The following NAV2 variants were observed in gnomAD, a reference collection of about 807,000 sequenced individuals.
The protein encoded by NAV2 is neuron navigator 2, also known as helicase, APC down-regulated 1.
A neutral mutation model predicts 223.2 loss-of-function variants in NAV2; 54 were observed. The ratio of observed to expected loss-of-function variants is 0.24; its 90% CI spans 0.19 to 0.30. The LOEUF is 0.30. NAV2 is among the 10% of genes least tolerant of loss of function. The pLI is 1.00. For missense variants in NAV2, 2,806 were observed against 3,147.5 expected (o/e 0.89, Z 2.60); for synonymous variants, 1,279 against 1,239.3 (o/e 1.03, Z -0.67).
intron 11 of NAV2, among the ~76,000 whole-genome samples, chr11:19,997,720 TTA>T (rs1295794167): frequency 3.3e-5 from 5 of 152,090 alleles, no homozygotes; most frequent in Non-Finnish European, 7.4e-5. Context: ...AAAGCCAGTG[TTA>T]TATCAGAGAC....
chr11:19,732,820 G>A (rs1328067256), intron 1 of NAV2, among the ~76,000 whole-genome samples: 1 of 152,220 alleles, frequency 6.6e-6, no homozygotes, highest in African/African-American at 2.4e-5. Flanking sequence ...TGCAGGGTCA[G>A]GGAGAAAGAG....
intron 1 of NAV2, among the ~76,000 whole-genome samples, chr11:19,776,608 G>GTGTGTGTGTGTGT (rs139486266): frequency 3.8e-5 from 4 of 106,100 alleles, no homozygotes; most frequent in African/African-American, 1.3e-4. Flanking sequence ...GTGTGTGTGT[G>GTGTGTGTGTGTGT]GTTAGAGTTG....
At chr11:19,937,137 AAAAC>A (rs976780868) in intron 7 of NAV2, among the ~76,000 whole-genome samples, 18 of 152,156 alleles carry the variant, frequency 1.2e-4, no homozygotes, top group African/African-American at 1.7e-4. Context: ...GACTGTCTCA[AAAAC>A]AAACAAACCA....
At chr11:19,778,480 T>C (rs2056465409) in intron 1 of NAV2, 1 of 302,820 alleles carries the variant, frequency 3.3e-6, no homozygotes, top group Non-Finnish European at 6.6e-6. Flanking sequence ...GTGTGAGGTC[T>C]TTAAAGATGC....
intron 11 of NAV2, among the ~76,000 whole-genome samples, chr11:19,997,932 A>G (rs917640565): frequency 1.3e-5 from 2 of 151,948 alleles, no homozygotes; most frequent in Non-Finnish European, 2.9e-5. Flanking sequence ...GGGGGCTCTC[A>G]TCTATCCGGG....
At chr11:19,398,951 AT>A (rs781520926) in intron 1 of NAV2, among the ~76,000 whole-genome samples, 1 of 152,036 alleles carries the variant, frequency 6.6e-6, no homozygotes, top group African/African-American at 2.4e-5. Flanking sequence ...GAGCACATTG[AT>A]TTTTCCCAGG....
At chr11:19,946,283 C>T in intron 8 of NAV2, 118 bp from the exon 9 acceptor site, 1 of 800,602 alleles carries the variant, frequency 1.2e-6, no homozygotes. Context: ...TATTAAGCAC[C>T]CACAGCAAGG....
intron 11 of NAV2, among the ~76,000 whole-genome samples, chr11:19,986,042 TC>T (rs1351467280): frequency 6.6e-6 from 1 of 152,230 alleles, no homozygotes; most frequent in African/African-American, 2.4e-5. Context: ...GTTTAGTAAA[TC>T]TATCCACATA....
Position 19,879,922 on chromosome 11 carries a change from C to T in NAV2, c.565C>T (p.Arg189Ter), listed in dbSNP as rs1258904719. ...AILGLFFSLS[R>*]YKQQQQQPQK... is the part of the protein sequence containing the mutation. ...TCTAGGCCTCTTCTTCAGCCTCTCCCGATACAAGCAGCAGCAGCAGCAGCC... is the reference window on the plus strand; with the variant it reads ...TCTAGGCCTCTTCTTCAGCCTCTCCTGATACAAGCAGCAGCAGCAGCAGCC... The change falls in exon 5 of 38, where the codon CGA becomes TGA. Residue 189 changes from arginine to a stop codon, truncating the protein, a stop_gained. Coordinates refer to ENST00000349880, the MANE Select transcript of NAV2 (RefSeq NM_145117.5). LOFTEE classifies it high-confidence loss of function. 6.2e-7 allele frequency: 1 copy of T among 1,613,742 alleles called. No individual in the cohort carries two copies. The highest frequency in any genetic ancestry group is 8.5e-7 in the Non-Finnish European group (1 of 1,180,026).
intron 1 of NAV2, among the ~76,000 whole-genome samples, chr11:19,622,985 G>C (rs940710197): frequency 6.6e-6 from 1 of 152,108 alleles, no homozygotes; most frequent in Non-Finnish European, 1.5e-5. Flanking sequence ...CTCAGCATTT[G>C]CTTGTCTGTA....
intron 1 of NAV2, among the ~76,000 whole-genome samples, chr11:19,388,728 A>G (rs908200037): frequency 1.3e-5 from 2 of 152,210 alleles, no homozygotes; most frequent in Admixed American, 1.3e-4. Flanking sequence ...GTGAAATCTT[A>G]TTCTGTTGTA....
chr11:19,500,440 G>A (rs938739836), intron 1 of NAV2, among the ~76,000 whole-genome samples: 4 of 152,200 alleles, frequency 2.6e-5, no homozygotes, highest in Non-Finnish European at 5.9e-5. Context: ...ATAAAAAGCT[G>A]ATACACCCAT....
intron 35 of NAV2, among the ~76,000 whole-genome samples, chr11:20,106,183 GTATATATATATATATATATATA>G (rs1182631250): frequency 0.041 from 1,049 of 25,550 alleles, 120 homozygotes; most frequent in African/African-American, 0.1. Flanking sequence ...ATATGTGTGT[GTATATATATATATATATATATA>G]TATATATATA....
chr11:19,601,097 T>C (rs751516351), intron 1 of NAV2, among the ~76,000 whole-genome samples: 17 of 152,236 alleles, frequency 1.1e-4, no homozygotes, highest in Non-Finnish European at 8.8e-5. Context: ...TCTGTACACC[T>C]GGCACTGGGC....
intron 22 of NAV2, among the ~76,000 whole-genome samples, chr11:20,071,716 G>A (rs1816661789): frequency 6.6e-6 from 1 of 152,002 alleles, no homozygotes; most frequent in Admixed American, 6.6e-5. Flanking sequence ...TATGTTTGTT[G>A]GCTGCATAAA....
chr11:19,613,152 G>A (rs547263238), intron 1 of NAV2, among the ~76,000 whole-genome samples: 12 of 152,064 alleles, frequency 7.9e-5, no homozygotes, highest in South Asian at 4.2e-4. Flanking sequence ...CAATTACCCC[G>A]CCCCCGCCGT....
At chr11:19,701,026 T>C (rs2152283754) in intron 1 of NAV2, among the ~76,000 whole-genome samples, 1 of 152,308 alleles carries the variant, frequency 6.6e-6, no homozygotes, top group Middle Eastern at 3.4e-3. Context: ...ATAGTCGTCA[T>C]CATTCCTATT....
intron 11 of NAV2, among the ~76,000 whole-genome samples, chr11:19,995,548 G>A (rs1337767591): frequency 6.6e-6 from 1 of 152,170 alleles, no homozygotes. Context: ...TTTGAGAGAG[G>A]TGGATAGCTG....
intron 11 of NAV2, among the ~76,000 whole-genome samples, chr11:19,987,129 T>C (rs2050863525): frequency 6.6e-6 from 1 of 152,160 alleles, no homozygotes; most frequent in Non-Finnish European, 1.5e-5. Flanking sequence ...CTTGAGACAA[T>C]TTAATGTGAA....
Sources: allele counts gnomAD v4.1 joint callset (sites outside exome capture counted in the v4.1 genomes callset), GRCh38; gene constraint gnomAD v4.1.1; transcripts MANE v1.5; gene names NCBI Gene and HGNC (gene_info 2026-07-23, HGNC 2026-07-21).